Variants in CACNA1E observed in about 807,000 individuals in gnomAD.
CACNA1E encodes the protein voltage-dependent R-type calcium channel subunit alpha-1E.
Under a neutral mutation model 259.2 loss-of-function variants are expected in CACNA1E, and 40 were observed. That is an observed-to-expected ratio of 0.15 (90% CI 0.12 to 0.20). The LOEUF is 0.20. Ranked by LOEUF, CACNA1E falls within the 10% of genes least tolerant of loss-of-function variation. The pLI, the probability that CACNA1E is intolerant of heterozygous loss-of-function variation, is 1.00. For missense variants in CACNA1E, 1,874 were observed against 3,040.1 expected, an observed-to-expected ratio of 0.62 and a Z score of 9.02; for synonymous variants, 1,104 against 1,138.5, an observed-to-expected ratio of 0.97 and a Z score of 0.61.
At chr1:181,760,540 G>A (rs1353169504) in intron 32 of CACNA1E, among the ~76,000 whole-genome samples, 1 of 152,094 alleles carries the variant, frequency 6.6e-6, no homozygotes, top group Non-Finnish European at 1.5e-5. Context: ...GAATTGCAAG[G>A]CTAAATGGGA....
At chr1:181,319,055 A>G (rs1650147020) in intron 1 of CACNA1E, among the ~76,000 whole-genome samples, 1 of 152,208 alleles carries the variant, frequency 6.6e-6, no homozygotes, top group Admixed American at 6.5e-5. Context: ...CTCCTTGCGC[A>G]GAGGACTGAG....
At chr1:181,772,679 G>GA (rs1269519023) in intron 37 of CACNA1E, among the ~76,000 whole-genome samples, 2 of 152,138 alleles carry the variant, frequency 1.3e-5, no homozygotes, top group Non-Finnish European at 2.9e-5. Flanking sequence ...AAGGTACCTT[G>GA]AAAATGCAAG....
rs1326220637 is a variant in CACNA1E, at chr1:181,661,818, C to T, written c.1055+10377C>T. Among the ~76,000 whole-genome samples, 4 of 152,232 alleles carry T rather than the reference C, an allele frequency of 2.6e-5. No homozygotes were observed. In the East Asian group the frequency reaches 7.7e-4, roughly 29 times the overall value. ...TACTGTGGGATGCTTGGTAATTTGC[C>T]AAAGTAAACAAAGCTCATGAGCAGT... On this transcript the variant is annotated intron_variant, in intron 7 of 47. Coordinates refer to ENST00000367573, the MANE Select transcript of CACNA1E (RefSeq NM_001205293.3).
intron 2 of CACNA1E, among the ~76,000 whole-genome samples, chr1:181,424,933 A>C (rs1052945070): frequency 2.0e-5 from 3 of 151,338 alleles, no homozygotes; most frequent in Admixed American, 6.6e-5. Context: ...GGCTGCCTCC[A>C]CTCTGCTCCC....
At chr1:181,607,120 C>T (rs1654309503) in intron 6 of CACNA1E, among the ~76,000 whole-genome samples, 1 of 152,090 alleles carries the variant, frequency 6.6e-6, no homozygotes, top group Non-Finnish European at 1.5e-5. Context: ...GGATATGGCA[C>T]CCTGGATGGT....
At chr1:181,586,032 T>G (rs1216344582) in intron 6 of CACNA1E, among the ~76,000 whole-genome samples, 2 of 151,952 alleles carry the variant, frequency 1.3e-5, no homozygotes. Context: ...AAATCAAGGT[T>G]ATAGCAAGGA....
intron 25 of CACNA1E, among the ~76,000 whole-genome samples, 157 bp from the exon 26 acceptor site, chr1:181,750,319 G>A (rs1243432386): frequency 2.0e-5 from 3 of 152,224 alleles, no homozygotes; most frequent in Non-Finnish European, 4.4e-5. Context: ...CTGTGGGTGG[G>A]GTCCCCTGGG....
intron 1 of CACNA1E, among the ~76,000 whole-genome samples, chr1:181,375,796 T>C (rs1443050866): frequency 6.6e-6 from 1 of 152,190 alleles, no homozygotes; most frequent in Non-Finnish European, 1.5e-5. Context: ...GGGAGACCTT[T>C]CCTGATTCCC....
intron 37 of CACNA1E, among the ~76,000 whole-genome samples, chr1:181,775,532 G>C (rs567787722): frequency 6.6e-6 from 1 of 152,244 alleles, no homozygotes; most frequent in South Asian, 2.1e-4. Flanking sequence ...AACCCCTTTA[G>C]TAGTTCCTGT....
At chr1:181,443,629 G>A (rs1025900204) in intron 2 of CACNA1E, among the ~76,000 whole-genome samples, 1 of 152,212 alleles carries the variant, frequency 6.6e-6, no homozygotes, top group African/African-American at 2.4e-5. Flanking sequence ...AAGACACACA[G>A]GTTCTGAGGT....
chr1:181,719,747 C>T lies in CACNA1E; in HGVS notation c.1639-4C>T. On this transcript the variant is annotated splice_polypyrimidine_tract_variant and splice_region_variant and intron_variant, in intron 12 of 47. Transcript: ENST00000367573. Reference sequence around the variant, plus strand: ...TCTCACTGTGGCTGGCATTGCCTCTCTAGGTCACAGTGGGCAGTATCTTTG... The same window carrying T: ...TCTCACTGTGGCTGGCATTGCCTCTTTAGGTCACAGTGGGCAGTATCTTTG... The T allele has an allele frequency of 6.4e-7, 1 of 1,557,878 alleles. No homozygotes were observed. Among genetic ancestry groups the T allele is most frequent in the South Asian group, 1.2e-5 (1 of 85,134 alleles).
At chr1:181,745,703 CT>C (rs755272704) in intron 25 of CACNA1E, among the ~76,000 whole-genome samples, 11 of 152,156 alleles carry the variant, frequency 7.2e-5, no homozygotes, top group Non-Finnish European at 1.5e-4. Flanking sequence ...TCAAATTAGT[CT>C]TCAGTGGGAC....
intron 6 of CACNA1E, among the ~76,000 whole-genome samples, chr1:181,582,650 C>G (rs946951997): frequency 6.6e-6 from 1 of 152,180 alleles, no homozygotes; most frequent in African/African-American, 2.4e-5. Flanking sequence ...TTATTAGTTT[C>G]TTTGTTCATT....
At chr1:181,517,508 T>C (rs1176989105) in intron 3 of CACNA1E, among the ~76,000 whole-genome samples, 1 of 152,032 alleles carries the variant, frequency 6.6e-6, no homozygotes, top group Non-Finnish European at 1.5e-5. Context: ...TTTTCTTTTT[T>C]ACCCTGGAAT....
intron 6 of CACNA1E, among the ~76,000 whole-genome samples, chr1:181,608,920 C>T (rs73057726): frequency 0.03 from 4,604 of 152,254 alleles, 186 homozygotes; most frequent in African/African-American, 0.1. Context: ...GCCTACAGGG[C>T]TGGGGCAGGG....
chr1:181,450,815 A>G (rs1661112068), intron 2 of CACNA1E, among the ~76,000 whole-genome samples: 1 of 152,244 alleles, frequency 6.6e-6, no homozygotes. Context: ...AGGCAGGACC[A>G]GCATCAGGGA....
At chr1:181,741,294 G>T (rs1023563436) in intron 25 of CACNA1E, among the ~76,000 whole-genome samples, 1 of 152,138 alleles carries the variant, frequency 6.6e-6, no homozygotes, top group African/African-American at 2.4e-5. Context: ...TTCCAGCTTT[G>T]TGTCCTTGAG....
At chr1:181,792,361 T>C (rs1661397270) in intron 44 of CACNA1E, among the ~76,000 whole-genome samples, 1 of 152,222 alleles carries the variant, frequency 6.6e-6, no homozygotes, top group Non-Finnish European at 1.5e-5. Context: ...CACTCAACAC[T>C]GTGTACTTCT....
intron 24 of CACNA1E, 40 bp downstream of exon 24, chr1:181,738,466 A>G: frequency 6.7e-7 from 1 of 1,501,486 alleles, no homozygotes; most frequent in South Asian, 1.1e-5. Context: ...TTGGGTTTAG[A>G]TGGGTCACCT....
Sources: allele counts gnomAD v4.1 joint callset (sites outside exome capture counted in the v4.1 genomes callset), GRCh38; gene constraint gnomAD v4.1.1; transcripts MANE v1.5; gene names NCBI Gene and HGNC (gene_info 2026-07-23, HGNC 2026-07-21).